MTCP1: variants seen among roughly 807,000 people sequenced by gnomAD.
The protein encoded by MTCP1 is mature T cell proliferation 1.
A neutral mutation model predicts 10.6 loss-of-function variants in MTCP1; 2 were observed. The observed-to-expected ratio is 0.19, with a 90% confidence interval of 0.08 to 0.59. MTCP1 has a LOEUF of 0.59. MTCP1 is among the 20% of genes least tolerant of loss of function. The probability of loss-of-function intolerance (pLI) is 0.90; values close to 1 mark genes in which losing one functional copy is unlikely to be tolerated. For synonymous variants in MTCP1, 29 were observed against 34.4 expected (o/e 0.84, Z 0.55); for missense variants, 33 against 91.5 (o/e 0.36, Z 2.61).
intron 1 of MTCP1, among the ~76,000 whole-genome samples, chrX:155,069,958 AATAAC>A (rs1212153666): frequency 8.9e-6 from 1 of 112,713 alleles, no homozygotes; most frequent in African/African-American, 3.2e-5. Context: ...AGTAACTGAA[AATAAC>A]ATATGATATA....
In MTCP1 at chrX:155,064,123, A is replaced by AT. The variant is rs2073939624; in HGVS notation, c.*1280dup. 5 of 567,402 alleles carry AT rather than the reference A, an allele frequency of 8.8e-6. No individual in the cohort carries two copies. Among genetic ancestry groups the AT allele is most frequent in the Non-Finnish European group, 1.4e-5 (5 of 369,005 alleles). 46.8% of individuals were successfully genotyped at this position (567,402 alleles called of 1,213,427 possible). A position where few individuals can be genotyped will look rare whatever the true frequency, so the allele number is the denominator to read the frequency against. On this transcript the variant is annotated 3_prime_UTR_variant, in exon 5 of 5. Transcript: ENST00000369476. The stretch of plus-strand genomic sequence containing the variant: ...GGAATTTTCTTCTGAGACAAGCAGT[A>AT]TATGCCCTTACAATTGCTGGAAAAT...
At position 155,065,645 on chromosome X, in the gene MTCP1, A is replaced by G. The variant is rs782437177; in HGVS notation, c.250T>C (p.Leu84=). ...ATTAAATGATGCTGTATCTGCCACAAGCGAGAGTTGTTATCCATGTAGCGC... is the reference window on the plus strand; with the variant it reads ...ATTAAATGATGCTGTATCTGCCACAGGCGAGAGTTGTTATCCATGTAGCGC... The part of the protein sequence containing the change: ...EERYMDNNSR[L]WQIQHHLMVR... The change falls in exon 3 of 5, where the codon TTG becomes CTG. Residue 84 remains leucine, a synonymous_variant. Transcript: ENST00000369476. 15 of 1,211,778 alleles carry G rather than the reference A, an allele frequency of 1.2e-5. No individual in the cohort carries two copies. Among genetic ancestry groups the G allele is most frequent in the Non-Finnish European group, 1.6e-5 (14 of 895,437 alleles).
Position 155,071,090 on chromosome X carries a change from A to T in MTCP1, c.-444T>A. 9.0e-6 allele frequency: 1 copy of T among 111,134 alleles called. No individual in the cohort carries two copies. Among genetic ancestry groups the T allele is most frequent in the African/African-American group, 3.2e-5 (1 of 30,830 alleles). The allele number at this position is 111,134 out of a possible 1,213,427, so 9.2% of individuals were successfully genotyped here. ...GCGGGCGGGCAAAATGGGCGCCGGT[A>T]CTCGGGAGGCGCCTGCCCAGGCGCC... On this transcript the variant is annotated 5_prime_UTR_variant, in exon 1 of 5. Coordinates refer to ENST00000369476, the MANE Select transcript of MTCP1 (RefSeq NM_001018025.4).
At chrX:155,066,295 G>A (rs1557292019) in intron 1 of MTCP1, among the ~76,000 whole-genome samples, 2 of 112,709 alleles carry the variant, frequency 1.8e-5, no homozygotes, top group African/African-American at 6.5e-5. Context: ...TTGGCTAGGT[G>A]AGGAGTTCTG....
chrX:155,067,606 C>G (rs1040238412), intron 1 of MTCP1, among the ~76,000 whole-genome samples: 28 of 112,368 alleles, frequency 2.5e-4, no homozygotes, highest in African/African-American at 8.7e-4. Context: ...TCTATGAAAA[C>G]TTTAGAAAAT....
intron 1 of MTCP1, among the ~76,000 whole-genome samples, chrX:155,067,289 C>T (rs2073952627): frequency 8.9e-6 from 1 of 111,992 alleles, no homozygotes; most frequent in Non-Finnish European, 1.9e-5. Context: ...ATTTCAAACT[C>T]GTCTAAACTT....
At chrX:155,067,753 T>C (rs1424086726) in intron 1 of MTCP1, among the ~76,000 whole-genome samples, 1 of 112,589 alleles carries the variant, frequency 8.9e-6, no homozygotes, top group Non-Finnish European at 1.9e-5. Flanking sequence ...GATACAGTTC[T>C]GGGCACCCCA....
At chrX:155,066,725 G>T (rs1333330163) in intron 1 of MTCP1, among the ~76,000 whole-genome samples, 1 of 112,192 alleles carries the variant, frequency 8.9e-6, no homozygotes, top group Non-Finnish European at 1.9e-5. Context: ...TGCTGATTTG[G>T]AGCTGAGTGA....
chrX:155,065,224 T>C lies in MTCP1; in HGVS notation c.*180A>G. ...TTGCTTTCTGCCTACGTAACCTCTC[T>C]CTGCAGTTTCACTTGCAGTATTCTT... On this transcript the variant is annotated 3_prime_UTR_variant, in exon 5 of 5. Transcript: ENST00000369476. 3 of 383,703 alleles carry C rather than the reference T, an allele frequency of 7.8e-6. No individual in the cohort carries two copies. Among genetic ancestry groups the C allele is most frequent in the East Asian group, 8.3e-5 (2 of 24,055 alleles). The allele number at this position is 383,703 out of a possible 1,213,427, so 31.6% of individuals were successfully genotyped here. A position where few individuals can be genotyped will look rare whatever the true frequency, so the allele number is the denominator to read the frequency against.
chrX:155,065,335 G>T lies in MTCP1; in HGVS notation c.*69C>A. 1 of 530,285 alleles carries T rather than the reference G, an allele frequency of 1.9e-6. No individual in the cohort carries two copies. The highest frequency in any genetic ancestry group is 3.2e-6 in the Non-Finnish European group (1 of 315,987). The allele number at this position is 530,285 out of a possible 1,213,427, so 43.7% of individuals were successfully genotyped here. On this transcript the variant is annotated 3_prime_UTR_variant, in exon 5 of 5. Transcript: ENST00000369476. ...GCCCAAGGGTGGGTGCACTGCAGTA[G>T]TGGATGAAGTGATTGCCAAATACTG...
intron 1 of MTCP1, among the ~76,000 whole-genome samples, chrX:155,069,971 A>C (rs1334620695): frequency 1.8e-5 from 2 of 112,709 alleles, no homozygotes; most frequent in Non-Finnish European, 3.7e-5. Context: ...AACATATGAT[A>C]TAAAATTGAA....
chrX:155,071,095 G>A lies in MTCP1; in HGVS notation c.-449C>T, dbSNP rs1338826183. On this transcript the variant is annotated 5_prime_UTR_variant, in exon 1 of 5. Transcript: ENST00000369476. ...CGGGCAAAATGGGCGCCGGTACTCG[G>A]GAGGCGCCTGCCCAGGCGCCCGGGC... is the stretch of plus-strand genomic sequence containing the variant. 5 of 111,026 alleles carry A rather than the reference G, an allele frequency of 4.5e-5. No individual in the cohort carries two copies. Among genetic ancestry groups the A allele is most frequent in the Non-Finnish European group, 7.6e-5 (4 of 52,493 alleles). The allele number at this position is 111,026 out of a possible 1,213,427, so 9.1% of individuals were successfully genotyped here.
In MTCP1 at chrX:155,064,054, T is replaced by A; in HGVS notation, c.*1350A>T. 1 of 1,155,601 alleles carries A rather than the reference T, an allele frequency of 8.7e-7. No homozygotes were observed. The highest frequency in any genetic ancestry group is 2.8e-5 in the Admixed American group (1 of 36,273). Reference sequence around the variant, plus strand: ...GAAAACTAAAACAAGAAAAATGATTTTTATTTTTCTTTTTTCCATAAAGAC... The same window carrying A: ...GAAAACTAAAACAAGAAAAATGATTATTATTTTTCTTTTTTCCATAAAGAC... On this transcript the variant is annotated 3_prime_UTR_variant, in exon 5 of 5. Coordinates refer to ENST00000369476, the MANE Select transcript of MTCP1 (RefSeq NM_001018025.4).
Position 155,065,214 on chromosome X carries a change from G to A in MTCP1, c.*190C>T. 2.7e-6 allele frequency: 1 copy of A among 366,094 alleles called. No homozygotes were observed. The highest frequency in any genetic ancestry group is 6.2e-5 in the South Asian group (1 of 16,260). 30.2% of individuals were successfully genotyped at this position (366,094 alleles called of 1,213,427 possible). ...TTTTGTTGACTTGCTTTCTGCCTAC[G>A]TAACCTCTCTCTGCAGTTTCACTTG... is the stretch of plus-strand genomic sequence containing the variant. On this transcript the variant is annotated 3_prime_UTR_variant, in exon 5 of 5. Transcript: ENST00000369476.
At position 155,065,880 on chromosome X, in the gene MTCP1, GAAAT is replaced by G. The variant is rs1188123778; in HGVS notation, c.105+22_105+25del. On this transcript the variant is annotated intron_variant, in intron 2 of 4. Transcript: ENST00000369476. Reference sequence around the variant, plus strand: ...CAAGTTACTTGAAAGCAAAATCAAAGAAATAAGCAAAATGTAAACAGTTACCTCT... The same window carrying G: ...CAAGTTACTTGAAAGCAAAATCAAAGAAGCAAAATGTAAACAGTTACCTCT... 6.6e-6 allele frequency: 8 copies of G among 1,203,319 alleles called. No homozygotes were observed. The East Asian group carries it at 2.4e-4, about 36-fold the overall frequency.
chrX:155,069,517 G>GC (rs1176451414), intron 1 of MTCP1, among the ~76,000 whole-genome samples: 6 of 111,868 alleles, frequency 5.4e-5, no homozygotes, highest in African/African-American at 2.0e-4. Flanking sequence ...TCTTCATAGG[G>GC]CGCTATGAGG....
chrX:155,066,090 C>A, intron 1 of MTCP1, 33 bp from the exon 2 acceptor site: 1 of 812,336 alleles, frequency 1.2e-6, no homozygotes, highest in Non-Finnish European at 1.8e-6. Flanking sequence ...ACAGGTGTGA[C>A]TTTTTGGGTT....
At chrX:155,068,400 C>T (rs1253711311) in intron 1 of MTCP1, among the ~76,000 whole-genome samples, 1 of 111,914 alleles carries the variant, frequency 8.9e-6, no homozygotes, top group Non-Finnish European at 1.9e-5. Context: ...TGGGCATCAG[C>T]GGGATGAGCT....
At chrX:155,065,576 G>A (rs372751304) in intron 3 of MTCP1, 39 bp from the exon 4 acceptor site, 10 of 1,206,719 alleles carry the variant, frequency 8.3e-6, no homozygotes, top group Admixed American at 4.3e-5. Context: ...ACTCTGTTAC[G>A]AGAGTCCCAG....
Sources: allele counts gnomAD v4.1 joint callset (sites outside exome capture counted in the v4.1 genomes callset), GRCh38; gene constraint gnomAD v4.1.1; transcripts MANE v1.5; gene names NCBI Gene and HGNC (gene_info 2026-07-23, HGNC 2026-07-21).